Variants in MAGT1 observed in about 807,000 individuals in gnomAD.
The protein encoded by MAGT1 is magnesium transporter 1.
A neutral mutation model predicts 28.4 loss-of-function variants in MAGT1; 4 were observed. The observed-to-expected ratio is 0.14, with a 90% CI of 0.07 to 0.32. The LOEUF is 0.32. Ranked by LOEUF, MAGT1 falls within the 10% of genes least tolerant of loss-of-function variation. MAGT1 has a pLI of 1.00. For synonymous variants in MAGT1, 89 were observed against 89.7 expected, an observed-to-expected ratio of 0.99 and a Z score of 0.04; for missense variants, 193 against 264.5, an observed-to-expected ratio of 0.73 and a Z score of 1.88.
intron 7 of MAGT1, among the ~76,000 whole-genome samples, chrX:77,846,372 G>A (rs1343839708): frequency 2.7e-5 from 3 of 111,510 alleles, no homozygotes; most frequent in African/African-American, 9.8e-5. Flanking sequence ...TTTGCCATGG[G>A]TTCGAACTTC....
rs1297974903 is a variant in MAGT1, at chrX:77,827,277, C to G, written c.*1943G>C. 1.8e-5 allele frequency: 2 copies of G among 110,728 alleles called. No homozygotes were observed. Among genetic ancestry groups the G allele is most frequent in the African/African-American group, 6.6e-5 (2 of 30,491 alleles). The allele number at this position is 110,728 out of a possible 1,213,427, so 9.1% of individuals were successfully genotyped here. On this transcript the variant is annotated 3_prime_UTR_variant, in exon 10 of 10. Transcript: ENST00000618282. ...ACCAAAAGACAAAATAAAAAAAATC[C>G]CTTCAAATTGGTACTTTGTTTCTCC...
At chrX:77,847,315 T>C (rs1281849671) in intron 7 of MAGT1, among the ~76,000 whole-genome samples, 2 of 112,465 alleles carry the variant, frequency 1.8e-5, no homozygotes, top group African/African-American at 3.2e-5. Context: ...GACCCGATTT[T>C]CCAGGTGCCA....
chrX:77,861,179 C>CAA (rs1217989456), intron 3 of MAGT1, among the ~76,000 whole-genome samples: 1 of 94,740 alleles, frequency 1.1e-5, no homozygotes, highest in South Asian at 4.6e-4. Flanking sequence ...AACTCTATCT[C>CAA]AAAAAAAAAA....
intron 7 of MAGT1, among the ~76,000 whole-genome samples, chrX:77,853,255 T>C (rs2076973063): frequency 8.9e-6 from 1 of 112,048 alleles, no homozygotes; most frequent in African/African-American, 3.2e-5. Context: ...AATGTCAAAA[T>C]ATCCCCATCT....
chrX:77,857,996 A>C (rs1255088970), intron 3 of MAGT1, among the ~76,000 whole-genome samples: 17 of 111,736 alleles, frequency 1.5e-4, no homozygotes, highest in African/African-American at 5.5e-4. Flanking sequence ...ACTGATGAGC[A>C]CCACATTTCT....
At chrX:77,876,164 ATTTTTTT>A (rs1163646892) in intron 1 of MAGT1, among the ~76,000 whole-genome samples, 38 of 24,955 alleles carry the variant, frequency 1.5e-3, no homozygotes, top group Admixed American at 4.5e-3. Flanking sequence ...ATATATATAT[ATTTTTTT>A]TTTTTTTTTT....
intron 6 of MAGT1, among the ~76,000 whole-genome samples, chrX:77,854,809 C>T (rs1485401902): frequency 1.8e-5 from 2 of 111,448 alleles, no homozygotes; most frequent in Non-Finnish European, 3.8e-5. Flanking sequence ...TGTACAAGAC[C>T]ATGAGGTACA....
At chrX:77,839,195 T>C (rs1313568841) in intron 8 of MAGT1, among the ~76,000 whole-genome samples, 3 of 105,507 alleles carry the variant, frequency 2.8e-5, no homozygotes, top group African/African-American at 1.0e-4. Flanking sequence ...TCCTAGCTAC[T>C]CGGGAGACTG....
intron 3 of MAGT1, among the ~76,000 whole-genome samples, chrX:77,859,291 T>C (rs1174390851): frequency 8.9e-6 from 1 of 112,276 alleles, no homozygotes; most frequent in African/African-American, 3.2e-5. Flanking sequence ...CATTACATGG[T>C]TATAAGGACC....
At chrX:77,836,403 G>A (rs2076918463) in intron 8 of MAGT1, among the ~76,000 whole-genome samples, 1 of 111,605 alleles carries the variant, frequency 9.0e-6, no homozygotes, top group South Asian at 3.7e-4. Context: ...GATTGTTTAT[G>A]ACACAAAGGG....
chrX:77,832,544 T>C (rs1394805207), intron 8 of MAGT1, among the ~76,000 whole-genome samples: 1 of 111,084 alleles, frequency 9.0e-6, no homozygotes, highest in Admixed American at 9.6e-5. Context: ...AGAAAATCAA[T>C]TTTCGGCCGG....
intron 9 of MAGT1, 109 bp downstream of exon 9, chrX:77,830,696 C>A: frequency 3.3e-6 from 1 of 306,937 alleles, no homozygotes; most frequent in South Asian, 9.7e-5. Flanking sequence ...CCTTTATAAG[C>A]TAAAATAGTT....
At chrX:77,870,154 A>G (rs782188219) in intron 3 of MAGT1, among the ~76,000 whole-genome samples, 33 of 111,921 alleles carry the variant, frequency 2.9e-4, no homozygotes, top group African/African-American at 1.1e-3. Flanking sequence ...TAGGAACGGA[A>G]AACCAAATAT....
intron 7 of MAGT1, 130 bp downstream of exon 7, chrX:77,853,771 C>G: frequency 1.8e-6 from 1 of 570,121 alleles, no homozygotes. Flanking sequence ...GAGGATGATA[C>G]AGTAATGATT....
chrX:77,869,296 T>A (rs1557217129), intron 3 of MAGT1, among the ~76,000 whole-genome samples: 1 of 111,809 alleles, frequency 8.9e-6, no homozygotes, highest in Non-Finnish European at 1.9e-5. Flanking sequence ...ATTACAGGCA[T>A]GATCCACCAT....
At position 77,867,936 on chromosome X, in the gene MAGT1, C is replaced by T. The variant is rs1033698321; in HGVS notation, c.390+2872G>A. On this transcript the variant is annotated intron_variant, in intron 3 of 9. Coordinates refer to ENST00000618282, the MANE Select transcript of MAGT1 (RefSeq NM_001367916.1). The stretch of plus-strand genomic sequence containing the variant: ...GTTATAGCAGGCAATATGGACAGAG[C>T]GCTAAATGGAAGGTAAGTGGACCAG... 3.9e-4 allele frequency among the ~76,000 whole-genome samples: 26 copies of T among 66,761 alleles called. 5 individuals carry two copies. Among genetic ancestry groups the T allele is most frequent in the Admixed American group, 8.2e-4 (4 of 4,876 alleles). 58.0% of individuals were successfully genotyped at this position (66,761 alleles called of 115,157 possible).
At chrX:77,860,930 C>T (rs1378092499) in intron 3 of MAGT1, among the ~76,000 whole-genome samples, 3 of 111,760 alleles carry the variant, frequency 2.7e-5, no homozygotes, top group African/African-American at 6.5e-5. Context: ...AATCCTAGCA[C>T]GTTGGGAGGC....
chrX:77,880,257 C>T (rs1210498646), intron 1 of MAGT1, among the ~76,000 whole-genome samples: 2 of 108,940 alleles, frequency 1.8e-5, no homozygotes, highest in Admixed American at 9.9e-5. Flanking sequence ...AGGCCAGGCG[C>T]GGTGGCTCAC....
At chrX:77,849,513 T>C (rs1347172374) in intron 7 of MAGT1, among the ~76,000 whole-genome samples, 2 of 111,148 alleles carry the variant, frequency 1.8e-5, no homozygotes, top group African/African-American at 6.5e-5. Flanking sequence ...TGCTCTGAGA[T>C]GTGGGTAAAA....
Sources: allele counts gnomAD v4.1 joint callset (sites outside exome capture counted in the v4.1 genomes callset), GRCh38; gene constraint gnomAD v4.1.1; transcripts MANE v1.5; gene names NCBI Gene and HGNC (gene_info 2026-07-23, HGNC 2026-07-21).